Variants in NAALADL2 observed in about 807,000 individuals in gnomAD.
NAALADL2 encodes the protein N-acetylated alpha-linked acidic dipeptidase like 2.
Under a neutral mutation model 87.2 loss-of-function variants are expected in NAALADL2, and 76 were observed. That is an observed-to-expected ratio of 0.87 (90% CI 0.72 to 1.05). The LOEUF (loss-of-function observed/expected upper bound fraction) is 1.05. Ranked by LOEUF, NAALADL2 falls within the 50% of genes least tolerant of loss-of-function variation. The probability of loss-of-function intolerance (pLI) is 0.00; values close to 1 mark genes in which losing one functional copy is unlikely to be tolerated. For missense variants in NAALADL2, 1,089 were observed against 945.8 expected, an observed-to-expected ratio of 1.15 and a Z score of -1.99; for synonymous variants, 354 against 331.0, an observed-to-expected ratio of 1.07 and a Z score of -0.75.
chr3:174,644,763 A>G (rs550118502), intron 2 of NAALADL2, among the ~76,000 whole-genome samples: 16 of 152,350 alleles, frequency 1.1e-4, no homozygotes, highest in African/African-American at 3.8e-4. Context: ...TTTTTAAGCA[A>G]GGTTTTTCAA....
At chr3:175,203,854 A>T (rs575909679) in intron 2 of NAALADL2, among the ~76,000 whole-genome samples, 36 of 152,360 alleles carry the variant, frequency 2.4e-4, no homozygotes, top group African/African-American at 8.4e-4. Context: ...AAAGAGATGG[A>T]TACATTCCTG....
rs79799514 is a variant in NAALADL2, at chr3:175,260,026, A to T, written c.939+3496A>T. Among the ~76,000 whole-genome samples, 600 of 147,836 alleles carry T rather than the reference A, an allele frequency of 4.1e-3. 6 individuals are homozygous for T. The highest frequency in any genetic ancestry group is 0.02 in the Admixed American group (300 of 14,830). ...CTGGGTGACAGAATGAAACTCCATT[A>T]AAAAAAAAAATTCTAACTGTGCTCA... On this transcript the variant is annotated intron_variant, in intron 4 of 13. Transcript: ENST00000454872.
intron 9 of NAALADL2, among the ~76,000 whole-genome samples, chr3:175,476,313 A>G (rs571186579): frequency 6.6e-6 from 1 of 152,300 alleles, no homozygotes; most frequent in Admixed American, 6.5e-5. Context: ...TAAGTGTTGT[A>G]GGACACAGTA....
At chr3:175,009,476 A>C (rs1034954488) in intron 1 of NAALADL2, among the ~76,000 whole-genome samples, 4 of 152,206 alleles carry the variant, frequency 2.6e-5, no homozygotes, top group African/African-American at 7.2e-5. Flanking sequence ...ATCATTGAGC[A>C]GTAAGAGTAT....
rs369976209 is a variant in NAALADL2, at chr3:175,017,391, G to T, written c.44-79399G>T. 1.2e-4 allele frequency among the ~76,000 whole-genome samples: 19 copies of T among 152,062 alleles called. 1 individual carries two copies. In the East Asian group the frequency reaches 2.1e-3, roughly 17 times the overall value. ...GGATGGAGATAATTTGCTGAAGGTT[G>T]CTCACTAAGTGGCAGACCAGGGATT... On this transcript the variant is annotated intron_variant, in intron 1 of 13. Coordinates refer to ENST00000454872, the MANE Select transcript of NAALADL2 (RefSeq NM_207015.3).
chr3:174,994,488 T>A (rs1018730871), intron 1 of NAALADL2, among the ~76,000 whole-genome samples: 1 of 152,216 alleles, frequency 6.6e-6, no homozygotes, highest in African/African-American at 2.4e-5. Context: ...TTTTTTTGAA[T>A]AATTACCTCA....
chr3:175,129,860 T>C (rs909455957), intron 2 of NAALADL2, among the ~76,000 whole-genome samples: 4 of 152,232 alleles, frequency 2.6e-5, no homozygotes, highest in African/African-American at 9.6e-5. Context: ...TTAGATCATA[T>C]AGTAGTCCTT....
chr3:175,371,468 C>T (rs1009400289), intron 5 of NAALADL2, among the ~76,000 whole-genome samples: 4 of 151,912 alleles, frequency 2.6e-5, no homozygotes, highest in African/African-American at 9.7e-5. Flanking sequence ...GGGGTTTCAC[C>T]GTGTTAGTCA....
At chr3:175,510,744 T>A (rs1731038397) in intron 9 of NAALADL2, among the ~76,000 whole-genome samples, 1 of 152,188 alleles carries the variant, frequency 6.6e-6, no homozygotes, top group Non-Finnish European at 1.5e-5. Flanking sequence ...TTTCATACTT[T>A]ATCTTGGTAT....
At chr3:175,641,015 T>TA (rs201973220) in intron 11 of NAALADL2, among the ~76,000 whole-genome samples, 10 of 152,016 alleles carry the variant, frequency 6.6e-5, no homozygotes, top group Middle Eastern at 3.4e-3. Flanking sequence ...AAGTCAGGGG[T>TA]AAAAAAAAGG....
chr3:175,003,149 G>T (rs571195019), intron 1 of NAALADL2, among the ~76,000 whole-genome samples: 1 of 152,274 alleles, frequency 6.6e-6, no homozygotes, highest in East Asian at 1.9e-4. Context: ...ATTAAAAAAT[G>T]TTTATGCCAT....
intron 2 of NAALADL2, among the ~76,000 whole-genome samples, chr3:174,711,739 G>A (rs1354862464): frequency 6.6e-6 from 1 of 152,160 alleles, no homozygotes; most frequent in East Asian, 1.9e-4. Flanking sequence ...TATTCTGCAT[G>A]AGGTTTCTGT....
At chr3:174,803,574 G>A (rs1719097108) in intron 3 of NAALADL2, among the ~76,000 whole-genome samples, 1 of 151,682 alleles carries the variant, frequency 6.6e-6, no homozygotes, top group Non-Finnish European at 1.5e-5. Context: ...TACTGCCTAG[G>A]TTTTATTCTA....
intron 1 of NAALADL2, among the ~76,000 whole-genome samples, chr3:175,028,048 A>G (rs1443891216): frequency 6.6e-6 from 1 of 152,092 alleles, no homozygotes; most frequent in East Asian, 1.9e-4. Flanking sequence ...AAACTTTGCA[A>G]TCCAGATGTG....
intron 2 of NAALADL2, among the ~76,000 whole-genome samples, chr3:175,179,796 A>G (rs1008147265): frequency 3.3e-5 from 5 of 152,076 alleles, no homozygotes; most frequent in Admixed American, 3.3e-4. Flanking sequence ...CATTTCAATT[A>G]CTTTATCAGC....
At chr3:175,001,337 GC>G (rs144885328) in intron 1 of NAALADL2, among the ~76,000 whole-genome samples, 10,714 of 152,182 alleles carry the variant, frequency 0.07, 500 homozygotes, top group Middle Eastern at 0.18. Context: ...AAGTATCCTT[GC>G]CCCATCTTGG....
At chr3:175,155,561 G>T (rs2108806259) in intron 2 of NAALADL2, among the ~76,000 whole-genome samples, 1 of 151,878 alleles carries the variant, frequency 6.6e-6, no homozygotes, top group South Asian at 2.1e-4. Flanking sequence ...GGATAGTGAG[G>T]TTTTCTTGTC....
chr3:175,774,394 C>G (rs1156559617), intron 13 of NAALADL2, among the ~76,000 whole-genome samples: 1 of 151,826 alleles, frequency 6.6e-6, no homozygotes, highest in Non-Finnish European at 1.5e-5. Context: ...ATTTCATTAC[C>G]TATATTCATT....
At chr3:175,521,101 C>CA (rs1732591249) in intron 9 of NAALADL2, among the ~76,000 whole-genome samples, 1 of 150,124 alleles carries the variant, frequency 6.7e-6, no homozygotes, top group South Asian at 2.1e-4. Context: ...ATTGACAATG[C>CA]AAAAATCTGG....
Sources: allele counts gnomAD v4.1 joint callset (sites outside exome capture counted in the v4.1 genomes callset), GRCh38; gene constraint gnomAD v4.1.1; transcripts MANE v1.5; gene names NCBI Gene and HGNC (gene_info 2026-07-23, HGNC 2026-07-21).